Variants in TIMP2 observed in about 807,000 individuals in gnomAD.
TIMP2 encodes the protein metalloproteinase inhibitor 2.
TIMP2 carries 5 observed loss-of-function variants against 24.3 expected under a neutral mutation model. That is an observed-to-expected ratio of 0.21 (90% CI 0.11 to 0.43). The LOEUF (loss-of-function observed/expected upper bound fraction) is 0.43, where lower values mean the gene tolerates loss of function less well. TIMP2 is among the 20% of genes least tolerant of loss of function. The pLI is 1.00. For missense variants in TIMP2, 221 were observed against 297.5 expected (o/e 0.74, Z 1.89); for synonymous variants, 130 against 123.2 (o/e 1.06, Z -0.37).
rs9906891 is a variant in TIMP2, at chr17:78,879,896, C to T, written c.131-5977G>A. The stretch of plus-strand genomic sequence containing the variant: ...TCCCCCCTGCAAAAACAATCCCGAG[C>T]GCACCCGCCAGAGTGGGGACGGAAA... On this transcript the variant is annotated intron_variant, in intron 1 of 4. Coordinates refer to ENST00000262768, the MANE Select transcript of TIMP2 (RefSeq NM_003255.5). Among the ~76,000 whole-genome samples the T allele has an allele frequency of 1.2e-3, 189 of 151,858 alleles. 1 individual carries two copies. Among genetic ancestry groups the T allele is most frequent in the African/African-American group, 4.1e-3 (168 of 41,376 alleles).
At chr17:78,877,874 T>C (rs2069742583) in intron 1 of TIMP2, among the ~76,000 whole-genome samples, 2 of 151,844 alleles carry the variant, frequency 1.3e-5, no homozygotes, top group African/African-American at 2.4e-5. Flanking sequence ...CGGCTAATTT[T>C]TTGTATTTAT....
intron 1 of TIMP2, chr17:78,898,509 AGGCCTGCAAGG>A (rs1484109751): frequency 6.6e-6 from 1 of 152,430 alleles, no homozygotes; most frequent in Non-Finnish European, 1.5e-5. Flanking sequence ...AAGGGTGGGA[AGGCCTGCAAGG>A]GGCCTGCGTG....
chr17:78,894,760 A>G, intron 1 of TIMP2, among the ~76,000 whole-genome samples: 1 of 152,132 alleles, frequency 6.6e-6, no homozygotes, highest in African/African-American at 2.4e-5. Flanking sequence ...TAGATACAAC[A>G]CCAAAAGCAC....
In TIMP2 at chr17:78,891,876, TG is replaced by T; in HGVS notation, c.131-17958del. ...GCCAGGTGAGAATTCATCCGACCCG[TG>T]GCTTTTGTAGTCTGTGGTTTCTCTG... On this transcript the variant is annotated intron_variant, in intron 1 of 4. Transcript: ENST00000262768. The surrounding 1 kb of genome is among the most constrained non-coding windows in gnomAD (Gnocchi z 4.5). 1 of 1,550,672 alleles carries T rather than the reference TG, an allele frequency of 6.4e-7. No homozygotes were observed. The highest frequency in any genetic ancestry group is 1.2e-5 in the South Asian group (1 of 84,066).
chr17:78,924,897 G>T lies in TIMP2; in HGVS notation c.130+62C>A. 9.4e-7 allele frequency: 1 copy of T among 1,058,760 alleles called. No homozygotes were observed. The allele number at this position is 1,058,760 out of a possible 1,614,324, so 65.6% of individuals were successfully genotyped here. On this transcript the variant is annotated intron_variant, in intron 1 of 4. Transcript: ENST00000262768. The surrounding 1 kb of genome is among the most constrained non-coding windows in gnomAD (Gnocchi z 5.3). The stretch of plus-strand genomic sequence containing the variant: ...AGCGGCGGGCGGGCGGGGCGTCTGC[G>T]AACCCTCGGGGTCGCGGGGGAGGTG...
intron 1 of TIMP2, chr17:78,892,049 G>A (rs925503035): frequency 2.5e-5 from 39 of 1,550,938 alleles, no homozygotes; most frequent in Admixed American, 9.8e-5. Context: ...GGGCCCCTGC[G>A]AGTCAGGCTC....
intron 1 of TIMP2, among the ~76,000 whole-genome samples, chr17:78,877,081 C>T (rs1026261493): frequency 1.3e-5 from 2 of 152,232 alleles, no homozygotes; most frequent in East Asian, 3.9e-4. Flanking sequence ...TTGGTGCTCA[C>T]TAACTCTTTG....
intron 1 of TIMP2, among the ~76,000 whole-genome samples, chr17:78,895,438 A>G (rs1425293322): frequency 6.6e-6 from 1 of 151,812 alleles, no homozygotes; most frequent in Non-Finnish European, 1.5e-5. Flanking sequence ...GCCACCTCAC[A>G]TCCACTCCAA....
intron 1 of TIMP2, among the ~76,000 whole-genome samples, chr17:78,890,144 A>G (rs1314950841): frequency 6.6e-6 from 1 of 151,668 alleles, no homozygotes; most frequent in Non-Finnish European, 1.5e-5. Context: ...TAAAGGCAAG[A>G]TTAGGGAAAG....
At chr17:78,878,081 G>A (rs2069744530) in intron 1 of TIMP2, among the ~76,000 whole-genome samples, 2 of 152,128 alleles carry the variant, frequency 1.3e-5, no homozygotes, top group African/African-American at 4.8e-5. Flanking sequence ...GCATGTCACT[G>A]GAGTTCAGAA....
At chr17:78,921,709 T>C (rs1442010975) in intron 1 of TIMP2, among the ~76,000 whole-genome samples, 2 of 152,244 alleles carry the variant, frequency 1.3e-5, no homozygotes, top group Admixed American at 6.5e-5. Flanking sequence ...TGTGCTGGCC[T>C]TGCTGGAAAG....
chr17:78,870,484 G>A (rs1309569308), intron 3 of TIMP2, among the ~76,000 whole-genome samples: 14 of 151,562 alleles, frequency 9.2e-5, no homozygotes, highest in Non-Finnish European at 1.5e-4. Flanking sequence ...ATTTTGTTAC[G>A]TATTATTTTA....
At chr17:78,865,624 CAA>C (rs35179698) in intron 3 of TIMP2, among the ~76,000 whole-genome samples, 11 of 117,698 alleles carry the variant, frequency 9.3e-5, no homozygotes, top group South Asian at 3.0e-4. Flanking sequence ...AACTCTGTCT[CAA>C]AAAAAAAAAA....
intron 1 of TIMP2, 71 bp from the exon 2 acceptor site, chr17:78,873,990 G>A (rs1305418844): frequency 7.0e-7 from 1 of 1,438,548 alleles, no homozygotes; most frequent in Admixed American, 1.7e-5. Flanking sequence ...AGAGGGATAA[G>A]ACGTCCAGGC....
chr17:78,913,437 G>A (rs2070226409), intron 1 of TIMP2, among the ~76,000 whole-genome samples: 1 of 151,874 alleles, frequency 6.6e-6, no homozygotes, highest in Non-Finnish European at 1.5e-5. Context: ...CAGGCTGGGT[G>A]CAGTGGTTCA....
rs1287716711 is a variant in TIMP2, at chr17:78,896,897, G to A, written c.131-22978C>T. ...AGACCGATCCGATCCCAGCACCTGGGCCCAGGAATGTGCTTGGCCACCAGA... is the reference window on the plus strand; with the variant it reads ...AGACCGATCCGATCCCAGCACCTGGACCCAGGAATGTGCTTGGCCACCAGA... On this transcript the variant is annotated intron_variant, in intron 1 of 4. Coordinates refer to ENST00000262768, the MANE Select transcript of TIMP2 (RefSeq NM_003255.5). This position sits in a 1 kb window ranked among gnomAD's most constrained non-coding sequence, Gnocchi z 4.4. 1 of 984,300 alleles carries A rather than the reference G, an allele frequency of 1.0e-6. No homozygotes were observed. Among genetic ancestry groups the A allele is most frequent in the African/African-American group, 1.7e-5 (1 of 57,184 alleles). 61.0% of individuals were successfully genotyped at this position (984,300 alleles called of 1,614,324 possible). A position where few individuals can be genotyped will look rare whatever the true frequency, so the allele number is the denominator to read the frequency against.
At chr17:78,867,757 G>A (rs1438849726) in intron 3 of TIMP2, among the ~76,000 whole-genome samples, 1 of 151,510 alleles carries the variant, frequency 6.6e-6, no homozygotes, top group Non-Finnish European at 1.5e-5. Flanking sequence ...CACCACGCCC[G>A]GCTAATTTTT....
chr17:78,903,745 G>A (rs2070129468), intron 1 of TIMP2, among the ~76,000 whole-genome samples: 1 of 152,078 alleles, frequency 6.6e-6, no homozygotes, highest in African/African-American at 2.4e-5. Flanking sequence ...TCAGAAGGAT[G>A]GGCGAGGGAA....
chr17:78,907,769 GAATTC>G (rs2070174111), intron 1 of TIMP2, among the ~76,000 whole-genome samples: 1 of 152,082 alleles, frequency 6.6e-6, no homozygotes, highest in Non-Finnish European at 1.5e-5. Flanking sequence ...TGCACCCATG[GAATTC>G]ATGTTCATTC....
Sources: allele counts gnomAD v4.1 joint callset (sites outside exome capture counted in the v4.1 genomes callset), GRCh38; gene constraint gnomAD v4.1.1; non-coding constraint Gnocchi (gnomAD v3.1); transcripts MANE v1.5; gene names NCBI Gene and HGNC (gene_info 2026-07-23, HGNC 2026-07-21).